The following TRPM1 variants were observed in gnomAD, a reference collection of about 807,000 sequenced individuals.
TRPM1 encodes transient receptor potential cation channel subfamily M member 1.
A neutral mutation model predicts 149.4 loss-of-function variants in TRPM1; 113 were observed. The observed-to-expected ratio is 0.76, with a 90% CI of 0.65 to 0.88. The LOEUF is 0.88. TRPM1 is among the 40% of genes least tolerant of loss of function. The pLI is 0.00. For missense variants in TRPM1, 1,976 were observed against 2,038.7 expected (o/e 0.97, Z 0.59); for synonymous variants, 741 against 759.5 (o/e 0.98, Z 0.40).
upstream of TRPM1, among the ~76,000 whole-genome samples, chr15:31,105,472 T>C (rs75551641): frequency 0.062 from 5,189 of 83,472 alleles, 179 homozygotes; most frequent in Admixed American, 0.14. Flanking sequence ...TGTGTGTGTG[T>C]GCGCGCGCGC....
intron 3 of TRPM1, among the ~76,000 whole-genome samples, chr15:31,075,227 T>C (rs1026872191): frequency 3.3e-5 from 5 of 152,210 alleles, no homozygotes; most frequent in Admixed American, 3.3e-4. Context: ...TATTCCCTTG[T>C]TGGTCTTCTG....
intron 3 of TRPM1, among the ~76,000 whole-genome samples, chr15:31,076,007 C>G (rs1430773203): frequency 3.3e-5 from 5 of 152,024 alleles, no homozygotes; most frequent in Non-Finnish European, 7.4e-5. Flanking sequence ...GACTGCAGTG[C>G]TGGCACAGAG....
At chr15:31,010,187 G>A (rs1252193854) in intron 27 of TRPM1, among the ~76,000 whole-genome samples, 1 of 152,164 alleles carries the variant, frequency 6.6e-6, no homozygotes, top group Non-Finnish European at 1.5e-5. Flanking sequence ...TTTTGTTTTA[G>A]CAGGTGATCA....
At position 31,003,072 on chromosome 15, in the gene TRPM1, T is replaced by C. The variant is rs2031855301; in HGVS notation, c.3630-2A>G. ...AACCTCATTGACATATTTTCAACTCTGGTGAATATAAAGGGATAGATTTAT... is the reference window on the plus strand; with the variant it reads ...AACCTCATTGACATATTTTCAACTCCGGTGAATATAAAGGGATAGATTTAT... On this transcript the variant is annotated splice_acceptor_variant, in intron 27 of 27. Coordinates refer to ENST00000256552, the MANE Select transcript of TRPM1 (RefSeq NM_001252024.2). LOFTEE classifies it high-confidence loss of function. 6.2e-7 allele frequency: 1 copy of C among 1,601,276 alleles called. No homozygotes were observed. Among genetic ancestry groups the C allele is most frequent in the Non-Finnish European group, 8.5e-7 (1 of 1,175,716 alleles).
intron 1 of TRPM1, 51 bp downstream of exon 1, chr15:31,101,606 A>G (rs1047068701): frequency 3.1e-6 from 3 of 970,720 alleles, no homozygotes; most frequent in African/African-American, 1.8e-5. Flanking sequence ...ACACCTGAGG[A>G]TACCTGCACC....
chr15:31,088,876 C>T lies in TRPM1; in HGVS notation c.-83-7438G>A, dbSNP rs1006454371. Among the ~76,000 whole-genome samples the T allele has an allele frequency of 0.014, 48 of 3,448 alleles. 1 individual carries two copies. In the Admixed American group the frequency reaches 0.18, roughly 13 times the overall value. 2.3% of individuals were successfully genotyped at this position (3,448 alleles called of 152,430 possible). On this transcript the variant is annotated intron_variant, in intron 1 of 27. Coordinates refer to ENST00000256552, the MANE Select transcript of TRPM1 (RefSeq NM_001252024.2). ...CCTGCTGCGGGTATTGACATTTGGC[C>T]CCCCCGAGCGGGAGATCAGTGTTTG...
intron 22 of TRPM1, among the ~76,000 whole-genome samples, chr15:31,032,414 C>A (rs2033130838): frequency 6.6e-6 from 1 of 151,950 alleles, no homozygotes; most frequent in African/African-American, 2.4e-5. Context: ...TGTATGTATA[C>A]ACACATATAT....
intron 1 of TRPM1, among the ~76,000 whole-genome samples, chr15:31,131,823 C>T (rs2036019580): frequency 6.6e-6 from 1 of 151,926 alleles, no homozygotes; most frequent in Non-Finnish European, 1.5e-5. Flanking sequence ...CAGGCTCGCC[C>T]CCACCCCCCT....
At chr15:31,137,729 C>T (rs1265550418) in intron 1 of TRPM1, among the ~76,000 whole-genome samples, 2 of 152,186 alleles carry the variant, frequency 1.3e-5, no homozygotes, top group African/African-American at 4.8e-5. Flanking sequence ...TAAATATTCA[C>T]AATCTATTAA....
At chr15:31,058,997 C>A (rs555264016) in intron 11 of TRPM1, among the ~76,000 whole-genome samples, 1 of 152,106 alleles carries the variant, frequency 6.6e-6, no homozygotes, top group African/African-American at 2.4e-5. Context: ...GCAGGAGAAT[C>A]GCTTGAATCC....
intron 1 of TRPM1, among the ~76,000 whole-genome samples, chr15:31,120,342 C>T (rs1361778795): frequency 2.0e-5 from 3 of 151,928 alleles, no homozygotes; most frequent in Admixed American, 2.0e-4. Flanking sequence ...GTCAGTTCTC[C>T]AAGAAGATGT....
At chr15:31,091,049 A>T (rs1252243011) in intron 1 of TRPM1, among the ~76,000 whole-genome samples, 1 of 152,046 alleles carries the variant, frequency 6.6e-6, no homozygotes, top group African/African-American at 2.4e-5. Context: ...ATTAGCTGAT[A>T]AAAAAAAGTG....
chr15:31,159,264 A>G (rs563102409), intron 1 of TRPM1, among the ~76,000 whole-genome samples: 75 of 152,128 alleles, frequency 4.9e-4, no homozygotes, highest in Non-Finnish European at 8.8e-4. Context: ...GACCCTACCC[A>G]TTGCAATTTC....
chr15:31,103,476 TATTA>T (rs1272588304), upstream of TRPM1, among the ~76,000 whole-genome samples: 1 of 152,212 alleles, frequency 6.6e-6, no homozygotes, highest in African/African-American at 2.4e-5. Context: ...AATAGAATGT[TATTA>T]ATTTTTTTCA....
intron 8 of TRPM1, 159 bp from the exon 9 acceptor site, chr15:31,062,861 G>T: frequency 9.9e-7 from 1 of 1,007,984 alleles, no homozygotes; most frequent in Non-Finnish European, 1.5e-6. Flanking sequence ...ATTCTCACTT[G>T]TCCTAAATTC....
In TRPM1 at chr15:31,160,807, G is replaced by C. The variant is rs371686917; in HGVS notation, c.54+99C>G. The C allele has an allele frequency of 3.0e-6, 4 of 1,352,324 alleles. No homozygotes were observed. In the African/African-American group the frequency reaches 4.3e-5, roughly 15 times the overall value. 83.8% of individuals were successfully genotyped at this position (1,352,324 alleles called of 1,614,324 possible). On this transcript the variant is annotated intron_variant, in intron 1 of 26. Transcript: ENST00000542188. ...CACCCAGCACAGTTTGGGAGGACAGGACCCGCTGGGCCAGCACTCTGAGAT... is the reference window on the plus strand; with the variant it reads ...CACCCAGCACAGTTTGGGAGGACAGCACCCGCTGGGCCAGCACTCTGAGAT...
intron 1 of TRPM1, among the ~76,000 whole-genome samples, chr15:31,099,328 G>T (rs2035464087): frequency 6.6e-6 from 1 of 152,024 alleles, no homozygotes; most frequent in Non-Finnish European, 1.5e-5. Context: ...AAGGCTTGGG[G>T]GTATTGTGTC....
At chr15:31,049,111 A>G (rs1203788564) in intron 13 of TRPM1, among the ~76,000 whole-genome samples, 1 of 152,152 alleles carries the variant, frequency 6.6e-6, no homozygotes, top group Admixed American at 6.5e-5. Flanking sequence ...CTTTGTAGCA[A>G]CAAGTACTCA....
chr15:31,061,464 T>C lies in TRPM1; in HGVS notation c.1140A>G (p.Ala380=). ...GSEGQQDIEM[A]ILTALLKGTN... ...CACCTTTCAGCAGGGCAGTTAAAAT[T>C]GCCATCTCGATGTCCTGCTGGCCCT... The change falls in exon 10 of 28, where the codon GCA becomes GCG. Residue 380 remains alanine, a synonymous_variant. Coordinates refer to ENST00000256552, the MANE Select transcript of TRPM1 (RefSeq NM_001252024.2). 6.2e-7 allele frequency: 1 copy of C among 1,614,126 alleles called. No homozygotes were observed. Among genetic ancestry groups the C allele is most frequent in the Non-Finnish European group, 8.5e-7 (1 of 1,180,016 alleles).
Sources: gnomAD v4.1 joint callset for allele counts (sites outside exome capture counted in the v4.1 genomes callset) on GRCh38, gnomAD v4.1.1 for gene constraint, MANE v1.5 for transcripts, NCBI Gene and HGNC (gene_info 2026-07-23, HGNC 2026-07-21) for gene names.